DCC: variants seen among roughly 807,000 people sequenced by gnomAD.
DCC encodes netrin receptor DCC.
DCC carries 58 observed loss-of-function variants against 172.5 expected under a neutral mutation model. The observed-to-expected ratio is 0.34, with a 90% CI of 0.27 to 0.42. DCC has a LOEUF of 0.42. Among genes scored for constraint, DCC ranks in the 10% least tolerant of loss-of-function variants. DCC has a pLI of 1.00. For missense variants in DCC, 1,740 were observed against 1,791.0 expected, an observed-to-expected ratio of 0.97 and a Z score of 0.51; for synonymous variants, 709 against 644.5, an observed-to-expected ratio of 1.10 and a Z score of -1.52.
chr18:52,784,063 C>T (rs2037606359), intron 2 of DCC, among the ~76,000 whole-genome samples: 1 of 151,986 alleles, frequency 6.6e-6, no homozygotes, highest in Non-Finnish European at 1.5e-5. Flanking sequence ...TACCTATTGA[C>T]TAACCTCTCT....
At chr18:52,950,961 A>G (rs1159644739) in intron 5 of DCC, among the ~76,000 whole-genome samples, 1 of 130,000 alleles carries the variant, frequency 7.7e-6, no homozygotes, top group African/African-American at 2.9e-5. Flanking sequence ...AAAAAAAAAA[A>G]AAAAAAAAAA....
chr18:52,813,039 A>G (rs1013512553), intron 2 of DCC, among the ~76,000 whole-genome samples: 4 of 152,232 alleles, frequency 2.6e-5, no homozygotes, highest in Non-Finnish European at 4.4e-5. Flanking sequence ...TGAAACTCCA[A>G]TGAAGAGAAC....
intron 16 of DCC, among the ~76,000 whole-genome samples, chr18:53,388,802 TGA>T (rs1908351007): frequency 6.6e-6 from 1 of 152,174 alleles, no homozygotes; most frequent in East Asian, 1.9e-4. Context: ...TCATTTTTTT[TGA>T]GATAGGGTCT....
intron 1 of DCC, among the ~76,000 whole-genome samples, chr18:52,517,019 G>A (rs1407579214): frequency 6.6e-6 from 1 of 152,160 alleles, no homozygotes. Flanking sequence ...AGATACTGCA[G>A]CATGCTGAAA....
intron 5 of DCC, among the ~76,000 whole-genome samples, chr18:52,974,010 T>A (rs1262531385): frequency 2.0e-5 from 3 of 152,114 alleles, no homozygotes; most frequent in Non-Finnish European, 4.4e-5. Flanking sequence ...TTATAATGGG[T>A]ACAGAAGATA....
rs1265685033 is a variant in DCC, at chr18:53,310,597, TA to T, written c.2053+4882del. On this transcript the variant is annotated intron_variant, in intron 13 of 28. Transcript: ENST00000442544. ...GTGAGAACCCACGTCAACTAAATTT[TA>T]AAACGTTTTTAATTTTTGACTGCTC... 4.6e-5 allele frequency among the ~76,000 whole-genome samples: 7 copies of T among 152,302 alleles called. No homozygotes were observed. The East Asian group carries it at 1.4e-3, about 29-fold the overall frequency.
At chr18:52,943,088 T>C (rs538419622) in intron 5 of DCC, among the ~76,000 whole-genome samples, 147 of 152,298 alleles carry the variant, frequency 9.7e-4, no homozygotes, top group African/African-American at 3.4e-3. Context: ...ACCATTTTGA[T>C]GTTTGTTTGT....
chr18:52,908,469 G>C (rs1257063075), intron 3 of DCC, among the ~76,000 whole-genome samples: 1 of 152,156 alleles, frequency 6.6e-6, no homozygotes, highest in Non-Finnish European at 1.5e-5. Context: ...TGCATCTGTT[G>C]AGTATATCAG....
At chr18:53,263,308 T>C (rs2056627968) in intron 12 of DCC, among the ~76,000 whole-genome samples, 1 of 152,004 alleles carries the variant, frequency 6.6e-6, no homozygotes, top group Admixed American at 6.6e-5. Context: ...CCTGCCACCA[T>C]GTCTGGCTAA....
At chr18:52,549,522 C>T (rs1284151566) in intron 1 of DCC, among the ~76,000 whole-genome samples, 1 of 152,042 alleles carries the variant, frequency 6.6e-6, no homozygotes, top group Non-Finnish European at 1.5e-5. Context: ...AATGACTTGT[C>T]CTCCACACGG....
At chr18:53,328,958 T>C (rs2057499756) in intron 14 of DCC, among the ~76,000 whole-genome samples, 1 of 152,206 alleles carries the variant, frequency 6.6e-6, no homozygotes, top group African/African-American at 2.4e-5. Flanking sequence ...AAAGCTTTGT[T>C]GTCTACATTT....
At chr18:52,452,597 G>T (rs1029511735) in intron 1 of DCC, among the ~76,000 whole-genome samples, 1 of 152,196 alleles carries the variant, frequency 6.6e-6, no homozygotes, top group Non-Finnish European at 1.5e-5. Context: ...ATGGGTGAAC[G>T]TGAGCTGCCG....
At chr18:52,434,902 C>T (rs1987741627) in intron 1 of DCC, among the ~76,000 whole-genome samples, 2 of 152,290 alleles carry the variant, frequency 1.3e-5, no homozygotes, top group South Asian at 4.1e-4. Context: ...ATTCCTCATA[C>T]CAGTAAATCT....
At chr18:52,857,446 T>C (rs2145354356) in intron 2 of DCC, among the ~76,000 whole-genome samples, 1 of 152,362 alleles carries the variant, frequency 6.6e-6, no homozygotes, top group African/African-American at 2.4e-5. Context: ...ATATTTTCTT[T>C]CTAATTTAAT....
At position 52,430,647 on chromosome 18, in the gene DCC, A is replaced by G. The variant is rs747574625; in HGVS notation, c.91+89769A>G. 2.0e-5 allele frequency among the ~76,000 whole-genome samples: 3 copies of G among 152,202 alleles called. No individual in the cohort carries two copies. In the South Asian group the frequency reaches 6.2e-4, roughly 31 times the overall value. On this transcript the variant is annotated intron_variant, in intron 1 of 28. Transcript: ENST00000442544. ...TCTTACATACATACAAATGACAAAG[A>G]GGAGCTGTGCAAAACCGCTGTGGAA... is the stretch of plus-strand genomic sequence containing the variant.
intron 27 of DCC, among the ~76,000 whole-genome samples, chr18:53,513,385 C>T (rs1016706311): frequency 2.0e-5 from 3 of 152,156 alleles, no homozygotes; most frequent in African/African-American, 7.2e-5. Context: ...CCATCAAAGA[C>T]TAGGAAGAAA....
chr18:53,483,342 A>T (rs2045860636), intron 25 of DCC, among the ~76,000 whole-genome samples: 1 of 151,932 alleles, frequency 6.6e-6, no homozygotes, highest in Admixed American at 6.6e-5. Flanking sequence ...TAATTTAGAA[A>T]AACTATGTAT....
chr18:53,415,813 G>GT (rs34628885), intron 20 of DCC, among the ~76,000 whole-genome samples: 34,646 of 151,424 alleles, frequency 0.23, 4,584 homozygotes, highest in East Asian at 0.42. Context: ...ATTGCATGCA[G>GT]TTTTTTTTTA....
chr18:52,909,287 T>C (rs1452435149), intron 3 of DCC, among the ~76,000 whole-genome samples: 1 of 152,124 alleles, frequency 6.6e-6, no homozygotes, highest in Non-Finnish European at 1.5e-5. Flanking sequence ...TATACAAACA[T>C]CATATTATTG....
Sources: gnomAD v4.1 joint callset for allele counts (sites outside exome capture counted in the v4.1 genomes callset) on GRCh38, gnomAD v4.1.1 for gene constraint, MANE v1.5 for transcripts, NCBI Gene and HGNC (gene_info 2026-07-23, HGNC 2026-07-21) for gene names.